Variants in POLH observed in about 807,000 individuals in gnomAD.
The protein encoded by POLH is DNA polymerase eta, also known as DNA polymerase eta transcript.
In POLH, 53 loss-of-function variants were observed where a neutral mutation model predicts 73.6. The observed-to-expected ratio is 0.72, with a 90% CI of 0.58 to 0.91. POLH has a LOEUF of 0.91. POLH is among the 40% of genes least tolerant of loss of function. The probability of loss-of-function intolerance (pLI) is 0.00; values close to 1 mark genes in which losing one functional copy is unlikely to be tolerated. For synonymous variants in POLH, 292 were observed against 308.5 expected (o/e 0.95, Z 0.56); for missense variants, 768 against 865.4 (o/e 0.89, Z 1.41).
intron 9 of POLH, among the ~76,000 whole-genome samples, chr6:43,607,028 T>C (rs914901614): frequency 1.3e-5 from 2 of 152,234 alleles, no homozygotes; most frequent in African/African-American, 4.8e-5. Flanking sequence ...GCTTGAAGTC[T>C]TTCACTTAAT....
chr6:43,592,128 T>A lies in POLH; in HGVS notation c.490+4639T>A, dbSNP rs377556910. Among the ~76,000 whole-genome samples, 7 of 152,304 alleles carry A rather than the reference T, an allele frequency of 4.6e-5. No homozygotes were observed. In the East Asian group the frequency reaches 1.2e-3, roughly 25 times the overall value. ...TGCCAGCATCTTATTATATGTAATG[T>A]TCAGAACAGTGCAATGTCTAGGAAA... On this transcript the variant is annotated intron_variant, in intron 4 of 10. Transcript: ENST00000372236.
chr6:43,610,874 C>G (rs1582319446), intron 10 of POLH, 151 bp downstream of exon 10: 3 of 697,430 alleles, frequency 4.3e-6, no homozygotes, highest in Middle Eastern at 3.7e-4. Context: ...ATGAAATATG[C>G]TTTTATGTAC....
At chr6:43,586,491 GAA>G (rs1011002402) in intron 3 of POLH, among the ~76,000 whole-genome samples, 1 of 151,602 alleles carries the variant, frequency 6.6e-6, no homozygotes, top group African/African-American at 2.4e-5. Flanking sequence ...CGAAAAACAA[GAA>G]AAAAAAGAAA....
chr6:43,587,225 G>C (rs745383288), intron 3 of POLH, 47 bp from the exon 4 acceptor site: 1 of 1,389,750 alleles, frequency 7.2e-7, no homozygotes, highest in Admixed American at 1.7e-5. Flanking sequence ...ACAATCTCAA[G>C]GTTGCCTCTG....
intron 5 of POLH, among the ~76,000 whole-genome samples, chr6:43,598,227 A>C (rs1766318171): frequency 2.6e-5 from 4 of 151,810 alleles, no homozygotes; most frequent in Admixed American, 1.3e-4. Flanking sequence ...AAGTTGTTAC[A>C]CATGTACTTT....
intron 9 of POLH, among the ~76,000 whole-genome samples, chr6:43,609,020 G>C (rs532527299): frequency 9.2e-5 from 14 of 151,880 alleles, no homozygotes; most frequent in African/African-American, 3.1e-4. Flanking sequence ...CCGTTTCTTT[G>C]CCCTGGAGAC....
intron 5 of POLH, among the ~76,000 whole-genome samples, chr6:43,599,240 C>G (rs181216459): frequency 2.6e-5 from 4 of 151,988 alleles, no homozygotes; most frequent in African/African-American, 9.7e-5. Flanking sequence ...TCACCCACCT[C>G]GGCCTCCCAA....
At chr6:43,601,804 A>G (rs1182025335) in intron 6 of POLH, among the ~76,000 whole-genome samples, 1 of 151,652 alleles carries the variant, frequency 6.6e-6, no homozygotes, top group Non-Finnish European at 1.5e-5. Context: ...CACGCCTGTA[A>G]TCCCAGCACT....
chr6:43,590,449 GT>G (rs201973144), intron 4 of POLH, among the ~76,000 whole-genome samples: 27 of 146,086 alleles, frequency 1.8e-4, no homozygotes, highest in Admixed American at 1.4e-3. Context: ...AAGAATGAGG[GT>G]TTTTTTTTTG....
intron 9 of POLH, among the ~76,000 whole-genome samples, chr6:43,606,629 T>A (rs59935385): frequency 0.04 from 6,068 of 152,056 alleles, 400 homozygotes; most frequent in African/African-American, 0.14. Context: ...GGGTTTTACC[T>A]TGTTGGCTGG....
intron 4 of POLH, among the ~76,000 whole-genome samples, chr6:43,591,945 C>T (rs1015083581): frequency 2.6e-5 from 4 of 152,166 alleles, no homozygotes; most frequent in Admixed American, 2.6e-4. Context: ...TGAATGTTAA[C>T]TCAGATGGAC....
At chr6:43,599,336 T>C (rs1171727095) in intron 5 of POLH, among the ~76,000 whole-genome samples, 1 of 152,140 alleles carries the variant, frequency 6.6e-6, no homozygotes, top group Non-Finnish European at 1.5e-5. Flanking sequence ...ATTGCCTGGG[T>C]ATTTTATGCT....
intron 4 of POLH, among the ~76,000 whole-genome samples, chr6:43,590,483 A>G (rs1765338326): frequency 1.3e-5 from 2 of 150,712 alleles, no homozygotes; most frequent in South Asian, 4.2e-4. Flanking sequence ...TTTTTCTTTG[A>G]GACAGAGCCA....
chr6:43,586,131 A>G (rs958157952), intron 3 of POLH, among the ~76,000 whole-genome samples: 6 of 152,184 alleles, frequency 3.9e-5, no homozygotes, highest in African/African-American at 1.4e-4. Flanking sequence ...TATAAAGTCA[A>G]TAGGAACAAA....
rs370106116 is a variant in POLH at position 43,596,238 on chromosome 6, C to G, written c.491-1458C>G. On this transcript the variant is annotated intron_variant, in intron 4 of 10. Transcript: ENST00000372236. ...GTGGCTCAGGCCTGTAATCCCAGCA[C>G]TTTGGGAGGCCAAAGCGGGCAGATC... is the stretch of plus-strand genomic sequence containing the variant. Among the ~76,000 whole-genome samples the G allele has an allele frequency of 7.9e-5, 12 of 152,326 alleles. No individual in the cohort carries two copies. In the East Asian group the frequency reaches 2.1e-3, roughly 27 times the overall value.
chr6:43,618,459 C>T lies in POLH; in HGVS notation c.*3902C>T, dbSNP rs1768488729. 6.6e-6 allele frequency among the ~76,000 whole-genome samples: 1 copy of T among 151,250 alleles called. No individual in the cohort carries two copies. The highest frequency in any genetic ancestry group is 6.6e-5 in the Admixed American group (1 of 15,202). ...GAGCCACCACGCCCAGCCTATAGTA[C>T]TGTATTCTTATTCTCCACTCTTGTG... is the stretch of plus-strand genomic sequence containing the variant. On this transcript the variant is annotated 3_prime_UTR_variant, in exon 11 of 11. Transcript: ENST00000372236.
intron 5 of POLH, among the ~76,000 whole-genome samples, chr6:43,598,628 C>T (rs1250913551): frequency 1.3e-5 from 2 of 150,492 alleles, no homozygotes; most frequent in East Asian, 1.9e-4. Context: ...AGCAAAGACT[C>T]CGTCTCAAAA....
chr6:43,582,465 C>G lies in POLH; in HGVS notation c.137+9C>G. On this transcript the variant is annotated intron_variant, in intron 2 of 10. Transcript: ENST00000372236. The stretch of plus-strand genomic sequence containing the variant: ...TCATGGAAGGGTGGTGGGTATGTAT[C>G]ATTGTTATTGTCACAACTATTCAAT... 3 of 1,612,560 alleles carry G rather than the reference C, an allele frequency of 1.9e-6. No homozygotes were observed. Among genetic ancestry groups the G allele is most frequent in the Non-Finnish European group, 2.5e-6 (3 of 1,178,590 alleles).
intron 10 of POLH, among the ~76,000 whole-genome samples, chr6:43,612,755 T>G (rs979969200): frequency 6.6e-6 from 1 of 152,106 alleles, no homozygotes; most frequent in African/African-American, 2.4e-5. Flanking sequence ...ATGTGAAAAT[T>G]TGAGTGATTA....
Sources: gnomAD v4.1 joint callset for allele counts (sites outside exome capture counted in the v4.1 genomes callset) on GRCh38, gnomAD v4.1.1 for gene constraint, MANE v1.5 for transcripts, NCBI Gene and HGNC (gene_info 2026-07-23, HGNC 2026-07-21) for gene names.